The following GSG1L variants were observed in gnomAD, a reference collection of about 807,000 sequenced individuals.
GSG1L encodes the protein germ cell-specific gene 1-like protein.
In GSG1L, 24 loss-of-function variants were observed where a neutral mutation model predicts 42.1. The observed-to-expected ratio is 0.57, with a 90% CI of 0.41 to 0.80. The LOEUF (loss-of-function observed/expected upper bound fraction) is 0.80. Ranked by LOEUF, GSG1L falls within the 30% of genes least tolerant of loss-of-function variation. The probability of loss-of-function intolerance (pLI) is 0.00; values close to 1 mark genes in which losing one functional copy is unlikely to be tolerated. For missense variants in GSG1L, 445 were observed against 472.2 expected, an observed-to-expected ratio of 0.94 and a Z score of 0.53; for synonymous variants, 215 against 203.5, an observed-to-expected ratio of 1.06 and a Z score of -0.48.
intron 1 of GSG1L, among the ~76,000 whole-genome samples, chr16:28,000,545 A>T (rs978433293): frequency 6.6e-6 from 1 of 152,172 alleles, no homozygotes; most frequent in Non-Finnish European, 1.5e-5. Flanking sequence ...AAATGATGAC[A>T]TGAGGCAGAT....
At chr16:27,947,020 A>T (rs1279005849) in intron 2 of GSG1L, among the ~76,000 whole-genome samples, 1 of 152,084 alleles carries the variant, frequency 6.6e-6, no homozygotes, top group Non-Finnish European at 1.5e-5. Context: ...AGCACGCCTG[A>T]GGCCCCACCA....
intron 2 of GSG1L, among the ~76,000 whole-genome samples, chr16:27,945,712 G>A (rs2084852893): frequency 6.6e-6 from 1 of 152,280 alleles, no homozygotes; most frequent in Non-Finnish European, 1.5e-5. Flanking sequence ...CCTCTGAAAG[G>A]ACCTCTCTCC....
At position 27,869,046 on chromosome 16, in the gene GSG1L, G is replaced by T. The variant is rs2083768200; in HGVS notation, c.550+15440C>A. Among the ~76,000 whole-genome samples, 3 of 152,334 alleles carry T rather than the reference G, an allele frequency of 2.0e-5. No individual in the cohort carries two copies. In the South Asian group the frequency reaches 6.2e-4, roughly 32 times the overall value. On this transcript the variant is annotated intron_variant, in intron 3 of 6. Coordinates refer to ENST00000447459, the MANE Select transcript of GSG1L (RefSeq NM_001109763.2). ...GAGGGAGGAGGGAAGGAAGGAGGAA[G>T]GCAGATGTGAGTGCGACAGCCAGGA...
intron 3 of GSG1L, among the ~76,000 whole-genome samples, chr16:27,875,518 G>A (rs375365989): frequency 1.4e-4 from 22 of 152,226 alleles, no homozygotes; most frequent in South Asian, 1.2e-3. Context: ...CTGGGGCACC[G>A]GATCGTTCGG....
intron 5 of GSG1L, among the ~76,000 whole-genome samples, chr16:27,818,394 C>T (rs888224417): frequency 2.0e-5 from 3 of 152,090 alleles, no homozygotes; most frequent in South Asian, 2.1e-4. Context: ...GCTGACGATC[C>T]GATCACATGA....
intron 2 of GSG1L, among the ~76,000 whole-genome samples, chr16:27,923,813 C>T (rs940834573): frequency 6.6e-6 from 1 of 150,736 alleles, no homozygotes; most frequent in African/African-American, 2.4e-5. Context: ...AGAGAACGTG[C>T]CAGAAAAACC....
intron 1 of GSG1L, among the ~76,000 whole-genome samples, chr16:28,000,196 A>C (rs2085566843): frequency 6.6e-6 from 1 of 152,242 alleles, no homozygotes; most frequent in African/African-American, 2.4e-5. Flanking sequence ...AGCGGGGCGC[A>C]GTGGCTCACG....
chr16:28,000,899 G>A (rs893562184), intron 1 of GSG1L, among the ~76,000 whole-genome samples: 1 of 152,104 alleles, frequency 6.6e-6, no homozygotes, highest in African/African-American at 2.4e-5. Context: ...CAGAGTCAAC[G>A]CCCTCTTTCC....
Position 27,884,896 on chromosome 16 carries a change from G to C in GSG1L, c.398-258C>G, listed in dbSNP as rs1178547196. On this transcript the variant is annotated intron_variant, in intron 2 of 6. Coordinates refer to ENST00000447459, the MANE Select transcript of GSG1L (RefSeq NM_001109763.2). The surrounding 1 kb of genome is among the most constrained non-coding windows in gnomAD (Gnocchi z 4.4). ...CTTTTATCCTGTGGCTGGACCAAGG[G>C]CTCCCTTTCTTTCTCATGGATTAGA... 6.6e-6 allele frequency among the ~76,000 whole-genome samples: 1 copy of C among 152,126 alleles called. No individual in the cohort carries two copies. The highest frequency in any genetic ancestry group is 6.5e-5 in the Admixed American group (1 of 15,280).
At chr16:27,997,955 C>G in intron 1 of GSG1L, among the ~76,000 whole-genome samples, 1 of 150,220 alleles carries the variant, frequency 6.7e-6, no homozygotes, top group Non-Finnish European at 1.5e-5. Context: ...CACCTCCCAG[C>G]TTCAAGCAAT....
Position 27,884,428 on chromosome 16 carries a change from A to G in GSG1L, c.550+58T>C. Reference sequence around the variant, plus strand: ...GTTGGTACAACCAGGGCTTACTCCAAGGGCAGCACCCTTTCTCGCCTGTGC... The same window carrying G: ...GTTGGTACAACCAGGGCTTACTCCAGGGGCAGCACCCTTTCTCGCCTGTGC... On this transcript the variant is annotated intron_variant, in intron 3 of 6. Coordinates refer to ENST00000447459, the MANE Select transcript of GSG1L (RefSeq NM_001109763.2). The surrounding 1 kb of genome is among the most constrained non-coding windows in gnomAD (Gnocchi z 4.4). 4 of 1,528,952 alleles carry G rather than the reference A, an allele frequency of 2.6e-6. No individual in the cohort carries two copies. The highest frequency in any genetic ancestry group is 1.9e-5 in the Admixed American group (1 of 52,912). 94.7% of individuals were successfully genotyped at this position (1,528,952 alleles called of 1,614,324 possible). A position where few individuals can be genotyped will look rare whatever the true frequency, so the allele number is the denominator to read the frequency against.
At chr16:27,925,185 G>A (rs1049064520) in intron 2 of GSG1L, among the ~76,000 whole-genome samples, 1 of 152,210 alleles carries the variant, frequency 6.6e-6, no homozygotes, top group Non-Finnish European at 1.5e-5. Context: ...CCAACTTGGA[G>A]GACCAATTAT....
chr16:28,000,971 C>A (rs548503049), intron 1 of GSG1L, among the ~76,000 whole-genome samples: 2 of 152,316 alleles, frequency 1.3e-5, no homozygotes, highest in Admixed American at 6.5e-5. Flanking sequence ...CACACTGAGA[C>A]AATTGCAATT....
Position 28,040,639 on chromosome 16 carries a change from C to A in GSG1L, c.349+22437G>T, listed in dbSNP as rs1369299731. Reference sequence around the variant, plus strand: ...GCCCTTCCAGCAACCTAAGAAGAGACCCGCAGGACATGAAGATGCTCTCAG... The same window carrying A: ...GCCCTTCCAGCAACCTAAGAAGAGAACCGCAGGACATGAAGATGCTCTCAG... On this transcript the variant is annotated intron_variant, in intron 1 of 6. Coordinates refer to ENST00000447459, the MANE Select transcript of GSG1L (RefSeq NM_001109763.2). The surrounding 1 kb of genome is among the most constrained non-coding windows in gnomAD (Gnocchi z 4.1). Among the ~76,000 whole-genome samples the A allele has an allele frequency of 6.6e-6, 1 of 152,180 alleles. No homozygotes were observed. Among genetic ancestry groups the A allele is most frequent in the African/African-American group, 2.4e-5 (1 of 41,436 alleles).
chr16:28,041,486 A>T (rs1222738738), intron 1 of GSG1L, among the ~76,000 whole-genome samples: 1 of 152,100 alleles, frequency 6.6e-6, no homozygotes, highest in Non-Finnish European at 1.5e-5. Context: ...ATCCGGATGG[A>T]GTGCCTGATA....
chr16:28,021,110 T>A (rs2085837230), intron 1 of GSG1L, among the ~76,000 whole-genome samples: 2 of 152,200 alleles, frequency 1.3e-5, no homozygotes, highest in Non-Finnish European at 2.9e-5. Flanking sequence ...TACCGGAGAC[T>A]GGGTAATTTA....
intron 1 of GSG1L, among the ~76,000 whole-genome samples, chr16:28,054,111 C>A (rs1445679394): frequency 5.9e-5 from 9 of 152,064 alleles, no homozygotes; most frequent in Admixed American, 5.9e-4. Context: ...CTGCCCTCCT[C>A]CTCCCCTCCT....
intron 5 of GSG1L, among the ~76,000 whole-genome samples, chr16:27,823,167 A>G (rs1183137281): frequency 1.3e-5 from 2 of 152,106 alleles, no homozygotes; most frequent in East Asian, 3.9e-4. Context: ...CCCGATTAAG[A>G]CGAAGGAGGG....
At chr16:27,957,719 T>A (rs1484012220) in intron 2 of GSG1L, among the ~76,000 whole-genome samples, 2 of 152,214 alleles carry the variant, frequency 1.3e-5, no homozygotes, top group Non-Finnish European at 2.9e-5. Context: ...CATGTTGCAC[T>A]GCTATAAATA....
Sources: gnomAD v4.1 joint callset for allele counts (sites outside exome capture counted in the v4.1 genomes callset) on GRCh38, gnomAD v4.1.1 for gene constraint, Gnocchi (gnomAD v3.1) non-coding constraint, MANE v1.5 for transcripts, NCBI Gene and HGNC (gene_info 2026-07-23, HGNC 2026-07-21) for gene names.